MYLK4: variants seen among roughly 807,000 people sequenced by gnomAD.
MYLK4 encodes the protein caMLCK like.
MYLK4 carries 46 observed loss-of-function variants against 48.1 expected under a neutral mutation model. The ratio of observed to expected loss-of-function variants is 0.96; its 90% confidence interval spans 0.75 to 1.22. MYLK4 has a LOEUF of 1.22. Ranked by LOEUF, MYLK4 falls within the 50% of genes most tolerant of loss-of-function variation. The probability of loss-of-function intolerance (pLI) is 0.00; values close to 1 mark genes in which losing one functional copy is unlikely to be tolerated. For synonymous variants in MYLK4, 170 were observed against 180.8 expected (o/e 0.94, Z 0.48); for missense variants, 451 against 486.1 (o/e 0.93, Z 0.68).
At chr6:2,748,115 A>G (rs192945994) in intron 2 of MYLK4, among the ~76,000 whole-genome samples, 47 of 152,248 alleles carry the variant, frequency 3.1e-4, no homozygotes, top group Non-Finnish European at 6.2e-4. Flanking sequence ...TTAGAACAGT[A>G]GCTGGGCAAA....
At chr6:2,767,655 C>G in the MYLK4 span, among the ~76,000 whole-genome samples, 3 of 152,338 alleles carry the variant, frequency 2.0e-5, no homozygotes, top group African/African-American at 7.2e-5. Context: ...CAGTATCATT[C>G]TTAGTAATTG....
chr6:2,753,936 G>T (rs189368875), upstream of MYLK4, among the ~76,000 whole-genome samples: 2 of 151,198 alleles, frequency 1.3e-5, no homozygotes, highest in African/African-American at 4.9e-5. Flanking sequence ...CAAGACAGGA[G>T]GATCACTTCA....
chr6:2,664,067 A>C lies in MYLK4; in HGVS notation c.*3858T>G, dbSNP rs1760547033. 6.6e-6 allele frequency: 1 copy of C among 152,224 alleles called. No individual in the cohort carries two copies. Among genetic ancestry groups the C allele is most frequent in the African/African-American group, 2.4e-5 (1 of 41,440 alleles). The allele number at this position is 152,224 out of a possible 1,614,324, so 9.4% of individuals were successfully genotyped here. ...ACTGCAGACTCCAAGCTATGTGAGG[A>C]AGTCATCTTAATCCAGGAACCCAAT... On this transcript the variant is annotated 3_prime_UTR_variant, in exon 13 of 13. Transcript: ENST00000274643.
At chr6:2,713,191 A>G (rs925567398) in intron 2 of MYLK4, among the ~76,000 whole-genome samples, 1 of 151,976 alleles carries the variant, frequency 6.6e-6, no homozygotes, top group African/African-American at 2.4e-5. Context: ...ACCAACACGG[A>G]GAAACCCCAT....
chr6:2,756,119 A>G, the MYLK4 span, among the ~76,000 whole-genome samples: 1 of 152,258 alleles, frequency 6.6e-6, no homozygotes, highest in Non-Finnish European at 1.5e-5. Flanking sequence ...ATTCTTGAGA[A>G]TCAATGATTA....
At chr6:2,737,711 C>T (rs1763730763) in intron 2 of MYLK4, among the ~76,000 whole-genome samples, 1 of 151,896 alleles carries the variant, frequency 6.6e-6, no homozygotes, top group Non-Finnish European at 1.5e-5. Context: ...GACAGCATCA[C>T]CCACAGAAAG....
the MYLK4 span, among the ~76,000 whole-genome samples, chr6:2,765,004 T>C: frequency 6.6e-6 from 1 of 152,114 alleles, no homozygotes; most frequent in African/African-American, 2.4e-5. Flanking sequence ...GCCTCCTGCT[T>C]GTCCCCACAG....
Position 2,695,521 on chromosome 6 carries a change from C to A in MYLK4, c.160-2662G>T, listed in dbSNP as rs1477384179. 3.9e-5 allele frequency among the ~76,000 whole-genome samples: 6 copies of A among 152,180 alleles called. No homozygotes were observed. The East Asian group carries it at 1.2e-3, about 29-fold the overall frequency. ...TGTCAGTATTGAGGAATATAAGAAG[C>A]CAGCTTCCAAGAGAGGTTGCTTTTT... On this transcript the variant is annotated intron_variant, in intron 2 of 12. Transcript: ENST00000274643.
At chr6:2,683,387 C>CTTTTTTTTTTTTTTTTTTTTTTTTT (rs138132269) in intron 6 of MYLK4, among the ~76,000 whole-genome samples, 2 of 86,206 alleles carry the variant, frequency 2.3e-5, no homozygotes. Flanking sequence ...AACTCCCCAC[C>CTTTTTTTTTTTTTTTTTTTTTTTTT]TTTTTGTGTG....
chr6:2,724,475 C>G (rs1204523783), intron 2 of MYLK4, among the ~76,000 whole-genome samples: 2 of 152,154 alleles, frequency 1.3e-5, no homozygotes, highest in Non-Finnish European at 2.9e-5. Flanking sequence ...CCTTTCGTCA[C>G]TTGGTGCTGG....
At chr6:2,687,970 G>C (rs950493015) in intron 4 of MYLK4, among the ~76,000 whole-genome samples, 4 of 152,204 alleles carry the variant, frequency 2.6e-5, no homozygotes, top group African/African-American at 9.7e-5. Context: ...TGTGAAAGAA[G>C]TAAACGAAGA....
At chr6:2,763,025 C>T in the MYLK4 span, among the ~76,000 whole-genome samples, 7 of 152,200 alleles carry the variant, frequency 4.6e-5, no homozygotes, top group Non-Finnish European at 4.4e-5. Context: ...GTCTCCATCG[C>T]CAGCTCTAGC....
intron 2 of MYLK4, among the ~76,000 whole-genome samples, chr6:2,716,811 G>A (rs543773539): frequency 1.3e-5 from 2 of 152,322 alleles, no homozygotes; most frequent in African/African-American, 4.8e-5. Flanking sequence ...CTATCTGACA[G>A]AGTTTTTATG....
rs1760926544 is a variant in MYLK4 at position 2,672,220 on chromosome 6, C to T, written c.1120-872G>A. 6.6e-6 allele frequency among the ~76,000 whole-genome samples: 1 copy of T among 152,156 alleles called. No individual in the cohort carries two copies. The highest frequency in any genetic ancestry group is 1.5e-5 in the Non-Finnish European group (1 of 68,026). On this transcript the variant is annotated intron_variant, in intron 11 of 12. Coordinates refer to ENST00000274643, the MANE Select transcript of MYLK4 (RefSeq NM_001012418.5). This position sits in a 1 kb window ranked among gnomAD's most constrained non-coding sequence, Gnocchi z 4.3. ...CGTGTTCCTTCCTCTGGCCCCAGAACCCTGGCTAATTCTGCAGTAGGTGCT... is the reference window on the plus strand; with the variant it reads ...CGTGTTCCTTCCTCTGGCCCCAGAATCCTGGCTAATTCTGCAGTAGGTGCT...
chr6:2,745,842 T>C (rs957039612), intron 2 of MYLK4, among the ~76,000 whole-genome samples: 5 of 151,640 alleles, frequency 3.3e-5, no homozygotes, highest in South Asian at 4.2e-4. Flanking sequence ...GGAGAATCAC[T>C]TGAGCCAGGG....
In MYLK4 at chr6:2,675,044, C is replaced by T. The variant is rs1007448630; in HGVS notation, c.1119+3G>A. 4 of 1,611,762 alleles carry T rather than the reference C, an allele frequency of 2.5e-6. No homozygotes were observed. The African/African-American group carries it at 5.3e-5, about 22-fold the overall frequency. On this transcript the variant is annotated splice_donor_region_variant and intron_variant, in intron 11 of 12. Coordinates refer to ENST00000274643, the MANE Select transcript of MYLK4 (RefSeq NM_001012418.5). ...AAGAGGAAGAGCAAGAAGCCGTGGTCACCTGGGCATTGAGTCTGGAGTGGA... is the reference window on the plus strand; with the variant it reads ...AAGAGGAAGAGCAAGAAGCCGTGGTTACCTGGGCATTGAGTCTGGAGTGGA...
chr6:2,713,238 T>C (rs12210488), intron 2 of MYLK4, among the ~76,000 whole-genome samples: 98,110 of 151,510 alleles, frequency 0.65, 31,986 homozygotes, highest in South Asian at 0.72. Flanking sequence ...GGCATGGTGG[T>C]GCATGCCTGT....
At position 2,667,580 on chromosome 6, in the gene MYLK4, G is replaced by C. The variant is rs1381659630; in HGVS notation, c.*345C>G. ...AAGTGTCACAGCTGTAGTCATTTGA[G>C]AAATGGCAGACATAATGCACCCCCT... On this transcript the variant is annotated 3_prime_UTR_variant, in exon 13 of 13. Transcript: ENST00000274643. The C allele has an allele frequency of 2.0e-5, 3 of 152,558 alleles. No individual in the cohort carries two copies. The highest frequency in any genetic ancestry group is 4.4e-5 in the Non-Finnish European group (3 of 68,020). The allele number at this position is 152,558 out of a possible 1,614,324, so 9.5% of individuals were successfully genotyped here.
At chr6:2,769,983 G>A in the MYLK4 span, 1 of 1,261,564 alleles carries the variant, frequency 7.9e-7, no homozygotes, top group Admixed American at 2.2e-5. Flanking sequence ...TATATTCAGT[G>A]AATATAAGGC....
Sources: gnomAD v4.1 joint callset for allele counts (sites outside exome capture counted in the v4.1 genomes callset) on GRCh38, gnomAD v4.1.1 for gene constraint, Gnocchi (gnomAD v3.1) non-coding constraint, MANE v1.5 for transcripts, NCBI Gene and HGNC (gene_info 2026-07-23, HGNC 2026-07-21) for gene names.